The following PTPRD variants were observed in gnomAD, a reference collection of about 807,000 sequenced individuals.
The protein encoded by PTPRD is receptor-type tyrosine-protein phosphatase delta.
PTPRD carries 34 observed loss-of-function variants against 214.5 expected under a neutral mutation model. The ratio of observed to expected loss-of-function variants is 0.16; its 90% CI spans 0.12 to 0.21. The LOEUF (loss-of-function observed/expected upper bound fraction) is 0.21, where lower values mean the gene tolerates loss of function less well. Ranked by LOEUF, PTPRD falls within the 10% of genes least tolerant of loss-of-function variation. PTPRD has a pLI of 1.00. For missense variants in PTPRD, 2,545 were observed against 2,398.7 expected (o/e 1.06, Z -1.27); for synonymous variants, 1,128 against 845.7 (o/e 1.33, Z -5.79).
chr9:9,918,396 T>A (rs1733531916), intron 5 of PTPRD, among the ~76,000 whole-genome samples: 1 of 128,752 alleles, frequency 7.8e-6, no homozygotes. Flanking sequence ...TACAAAACAT[T>A]GATAAAAATA....
intron 10 of PTPRD, among the ~76,000 whole-genome samples, chr9:9,021,360 A>G (rs2099569052): frequency 1.3e-5 from 2 of 152,194 alleles, no homozygotes; most frequent in Admixed American, 6.6e-5. Context: ...ACAATTATGT[A>G]TGGTACATCA....
At chr9:9,645,775 T>C (rs987420239) in intron 7 of PTPRD, among the ~76,000 whole-genome samples, 6 of 152,130 alleles carry the variant, frequency 3.9e-5, no homozygotes, top group Non-Finnish European at 7.4e-5. Context: ...CATTTTAACA[T>C]TCATATCTTT....
intron 3 of PTPRD, among the ~76,000 whole-genome samples, chr9:10,335,493 C>T (rs1231074067): frequency 1.3e-5 from 2 of 151,746 alleles, no homozygotes; most frequent in East Asian, 3.9e-4. Context: ...CTATGAAACT[C>T]TTACAAGATA....
Position 8,315,351 on chromosome 9 carries a change from G to T in PTPRD, c.*2523C>A, listed in dbSNP as rs775491250. The stretch of plus-strand genomic sequence containing the variant: ...ATGGGCAGTTATTGTTTCAGGGAGA[G>T]AAGCTGCTCATTGGCCAATCATTCT... On this transcript the variant is annotated 3_prime_UTR_variant, in exon 46 of 46. Coordinates refer to ENST00000381196, the MANE Select transcript of PTPRD (RefSeq NM_002839.4). The T allele has an allele frequency of 2.2e-5, 5 of 232,442 alleles. No individual in the cohort carries two copies. Among genetic ancestry groups the T allele is most frequent in the Non-Finnish European group, 3.4e-5 (4 of 117,378 alleles). 14.4% of individuals were successfully genotyped at this position (232,442 alleles called of 1,614,324 possible).
intron 11 of PTPRD, among the ~76,000 whole-genome samples, chr9:9,006,793 T>C (rs1288721809): frequency 1.3e-5 from 2 of 152,070 alleles, no homozygotes; most frequent in African/African-American, 4.8e-5. Context: ...TTTTTCAATA[T>C]GTTTTTTCTT....
At chr9:9,515,632 TGAA>T (rs1437828154) in intron 8 of PTPRD, among the ~76,000 whole-genome samples, 2 of 151,846 alleles carry the variant, frequency 1.3e-5, no homozygotes, top group African/African-American at 2.4e-5. Flanking sequence ...TGGAAAAACA[TGAA>T]GAAATATGTA....
At chr9:10,415,406 T>C (rs1402183032) in intron 2 of PTPRD, among the ~76,000 whole-genome samples, 4 of 151,932 alleles carry the variant, frequency 2.6e-5, no homozygotes, top group Non-Finnish European at 4.4e-5. Flanking sequence ...TGTTTTATTA[T>C]TCAACAAGTT....
At chr9:9,226,351 T>C (rs1028017502) in intron 9 of PTPRD, among the ~76,000 whole-genome samples, 2 of 151,922 alleles carry the variant, frequency 1.3e-5, no homozygotes, top group Non-Finnish European at 2.9e-5. Flanking sequence ...AATTTTACTT[T>C]TACTTACAAC....
At chr9:10,083,474 C>A (rs1374344018) in intron 3 of PTPRD, among the ~76,000 whole-genome samples, 1 of 151,988 alleles carries the variant, frequency 6.6e-6, no homozygotes, top group African/African-American at 2.4e-5. Context: ...TTCTCAAAGC[C>A]TGGATAAACA....
At chr9:9,537,012 G>C (rs1183949938) in intron 8 of PTPRD, among the ~76,000 whole-genome samples, 15 of 151,960 alleles carry the variant, frequency 9.9e-5, no homozygotes, top group Non-Finnish European at 2.9e-5. Context: ...TTCAACAAAA[G>C]TTTTACCTAA....
intron 3 of PTPRD, among the ~76,000 whole-genome samples, chr9:10,060,469 T>C (rs1003763802): frequency 3.3e-5 from 5 of 152,036 alleles, no homozygotes; most frequent in African/African-American, 1.2e-4. Flanking sequence ...GTGTGTAAAA[T>C]TACGAAAACC....
intron 11 of PTPRD, among the ~76,000 whole-genome samples, chr9:8,794,958 T>C (rs1035321097): frequency 6.6e-6 from 1 of 151,992 alleles, no homozygotes; most frequent in African/African-American, 2.4e-5. Context: ...TACTGCTGAT[T>C]AATTATTTGG....
At chr9:8,533,081 C>A (rs1329891685) in intron 14 of PTPRD, among the ~76,000 whole-genome samples, 1 of 152,064 alleles carries the variant, frequency 6.6e-6, no homozygotes, top group Non-Finnish European at 1.5e-5. Flanking sequence ...ACAGGTTTTA[C>A]ATGATTTGTT....
chr9:9,923,828 G>C (rs2083363312), intron 5 of PTPRD, among the ~76,000 whole-genome samples: 2 of 151,726 alleles, frequency 1.3e-5, no homozygotes, highest in Non-Finnish European at 2.9e-5. Context: ...GCAAATATGA[G>C]GTATTGAAAT....
intron 12 of PTPRD, 88 bp from the exon 13 acceptor site, chr9:8,636,932 A>T (rs1255055410): frequency 7.8e-7 from 1 of 1,290,174 alleles, no homozygotes; most frequent in Admixed American, 2.0e-5. Flanking sequence ...ACCATCCTCA[A>T]CCACACCGCC....
At chr9:8,483,347 CT>C (rs1428329385) in intron 30 of PTPRD, among the ~76,000 whole-genome samples, 2 of 152,128 alleles carry the variant, frequency 1.3e-5, no homozygotes, top group South Asian at 4.1e-4. Context: ...ATTTCCCCCC[CT>C]TTTTTTCAAC....
Position 9,905,962 on chromosome 9 carries a change from G to A in PTPRD, c.-368+32545C>T, listed in dbSNP as rs913573050. Among the ~76,000 whole-genome samples the A allele has an allele frequency of 4.6e-5, 7 of 151,834 alleles. 1 individual carries two copies. Among genetic ancestry groups the A allele is most frequent in the East Asian group, 1.9e-4 (1 of 5,192 alleles). On this transcript the variant is annotated intron_variant, in intron 5 of 45. Coordinates refer to ENST00000381196, the MANE Select transcript of PTPRD (RefSeq NM_002839.4). ...GGACCAGAATACGGTGGTTTTAGTT[G>A]TCAGAGATAAAATTTTAAGCCAGAT...
chr9:8,321,130 A>T (rs1051430316), intron 44 of PTPRD, among the ~76,000 whole-genome samples: 1 of 152,086 alleles, frequency 6.6e-6, no homozygotes. Flanking sequence ...ACCTTCTGTT[A>T]AGATGAAGCA....
Position 10,033,563 on chromosome 9 carries a change from T to A in PTPRD, c.-472+155A>T, listed in dbSNP as rs930941574. On this transcript the variant is annotated intron_variant, in intron 4 of 45. Transcript: ENST00000381196. Reference sequence around the variant, plus strand: ...AGAGTAATTAAAAACAAAAGTAAAATCATATTATAATTATTTTTAAAAAAG... The same window carrying A: ...AGAGTAATTAAAAACAAAAGTAAAAACATATTATAATTATTTTTAAAAAAG... Among the ~76,000 whole-genome samples, 8 of 152,144 alleles carry A rather than the reference T, an allele frequency of 5.3e-5. No homozygotes were observed. In the East Asian group the frequency reaches 1.5e-3, roughly 29 times the overall value.
Sources: gnomAD v4.1 joint callset for allele counts (sites outside exome capture counted in the v4.1 genomes callset) on GRCh38, gnomAD v4.1.1 for gene constraint, MANE v1.5 for transcripts, NCBI Gene and HGNC (gene_info 2026-07-23, HGNC 2026-07-21) for gene names.